Variants in ATP10B observed in about 807,000 individuals in gnomAD.
The protein encoded by ATP10B is ATPase phospholipid transporting 10B (putative).
Under a neutral mutation model 141.2 loss-of-function variants are expected in ATP10B, and 122 were observed. The ratio of observed to expected loss-of-function variants is 0.86; its 90% CI spans 0.75 to 1.00. ATP10B has a LOEUF of 1.00. Among genes scored for constraint, ATP10B ranks in the 50% least tolerant of loss-of-function variants. The probability of loss-of-function intolerance (pLI) is 0.00; values close to 1 mark genes in which losing one functional copy is unlikely to be tolerated. For missense variants in ATP10B, 1,876 were observed against 1,825.3 expected, an observed-to-expected ratio of 1.03 and a Z score of -0.51; for synonymous variants, 685 against 692.0, an observed-to-expected ratio of 0.99 and a Z score of 0.16.
chr5:160,575,940 T>C (rs1031334126), intron 24 of ATP10B, among the ~76,000 whole-genome samples: 1 of 152,222 alleles, frequency 6.6e-6, no homozygotes, highest in Non-Finnish European at 1.5e-5. Flanking sequence ...CTTTCCTCTC[T>C]GTTGGTCTCA....
At chr5:160,909,021 C>T in the ATP10B span, among the ~76,000 whole-genome samples, 5 of 152,028 alleles carry the variant, frequency 3.3e-5, no homozygotes, top group East Asian at 1.9e-4. Flanking sequence ...AGGTACGGTG[C>T]GAGGCTCTGG....
Position 160,792,118 on chromosome 5 carries a change from C to T in ATP10B, c.-575-6315G>A, listed in dbSNP as rs114091787. Among the ~76,000 whole-genome samples, 1,052 of 152,186 alleles carry T rather than the reference C, an allele frequency of 6.9e-3. 5 individuals are homozygous for T. The highest frequency in any genetic ancestry group is 0.011 in the Non-Finnish European group (754 of 67,994). On this transcript the variant is annotated intron_variant, in intron 1 of 25. Coordinates refer to ENST00000327245, the MANE Select transcript of ATP10B (RefSeq NM_025153.3). ...TTCTACTCAGAGGAAATAAATCCCC[C>T]CCTCCCTAAACTTTCATAAACTGGG...
chr5:160,767,353 T>A (rs1769527356), intron 2 of ATP10B, among the ~76,000 whole-genome samples: 1 of 152,166 alleles, frequency 6.6e-6, no homozygotes, highest in Admixed American at 6.5e-5. Context: ...TCAGGCACTA[T>A]GCTTAATGAT....
At chr5:160,613,525 G>A (rs540610630) in intron 17 of ATP10B, among the ~76,000 whole-genome samples, 3 of 152,332 alleles carry the variant, frequency 2.0e-5, no homozygotes, top group South Asian at 2.1e-4. Flanking sequence ...CTAGAGAATA[G>A]GTTTGAGATT....
At chr5:160,849,165 G>A (rs968168530) in intron 1 of ATP10B, among the ~76,000 whole-genome samples, 3 of 152,118 alleles carry the variant, frequency 2.0e-5, no homozygotes, top group Admixed American at 1.3e-4. Context: ...GAGAACATAC[G>A]GTAGCATGTG....
At chr5:160,698,578 C>T (rs1764505572) in intron 3 of ATP10B, among the ~76,000 whole-genome samples, 3 of 152,086 alleles carry the variant, frequency 2.0e-5, no homozygotes, top group Admixed American at 1.3e-4. Context: ...CATTTGGACA[C>T]ATTGGTATTG....
At chr5:160,887,634 T>TCC in the ATP10B span, among the ~76,000 whole-genome samples, 2 of 152,116 alleles carry the variant, frequency 1.3e-5, no homozygotes, top group East Asian at 1.9e-4. Context: ...TTGCTGTGTC[T>TCC]CCCCTCACTC....
At chr5:160,648,816 C>T (rs1030668263) in intron 8 of ATP10B, among the ~76,000 whole-genome samples, 1 of 152,002 alleles carries the variant, frequency 6.6e-6, no homozygotes, top group African/African-American at 2.4e-5. Context: ...TCCAAAGTCC[C>T]TGTTCTTACC....
chr5:160,663,010 T>C (rs1004708686), intron 7 of ATP10B, among the ~76,000 whole-genome samples: 5 of 152,208 alleles, frequency 3.3e-5, no homozygotes, highest in Non-Finnish European at 7.3e-5. Context: ...AAAGAAGACA[T>C]TGATGCAGCC....
the ATP10B span, among the ~76,000 whole-genome samples, chr5:160,860,100 G>T: frequency 2.6e-5 from 4 of 151,836 alleles, no homozygotes; most frequent in African/African-American, 9.7e-5. Flanking sequence ...TGGGGCAATA[G>T]TATGTTTTCC....
intron 1 of ATP10B, among the ~76,000 whole-genome samples, chr5:160,801,692 A>G (rs1057238804): frequency 5.3e-5 from 8 of 152,202 alleles, no homozygotes; most frequent in African/African-American, 1.9e-4. Flanking sequence ...TCTAACTCAA[A>G]TCAATGCCTA....
At chr5:160,769,444 T>A (rs755461595) in intron 2 of ATP10B, among the ~76,000 whole-genome samples, 17 of 152,196 alleles carry the variant, frequency 1.1e-4, no homozygotes, top group Non-Finnish European at 2.2e-4. Flanking sequence ...GCAATCTCCA[T>A]CTGCACTGGT....
chr5:160,828,231 G>A (rs1774782885), intron 1 of ATP10B, among the ~76,000 whole-genome samples: 1 of 152,238 alleles, frequency 6.6e-6, no homozygotes, highest in African/African-American at 2.4e-5. Context: ...AAACTAAAGA[G>A]CTTCTGCACA....
chr5:160,829,619 C>T (rs930326024), intron 1 of ATP10B, among the ~76,000 whole-genome samples: 18 of 152,006 alleles, frequency 1.2e-4, no homozygotes, highest in Admixed American at 7.2e-4. Context: ...TCATTTATGT[C>T]ATCTCTGATT....
chr5:160,696,958 A>G (rs1405578400), intron 3 of ATP10B, among the ~76,000 whole-genome samples: 2 of 152,240 alleles, frequency 1.3e-5, no homozygotes, highest in Non-Finnish European at 2.9e-5. Flanking sequence ...AAACCCATTT[A>G]CAGAGGAAGA....
chr5:160,910,808 T>C, the ATP10B span, among the ~76,000 whole-genome samples: 2 of 152,204 alleles, frequency 1.3e-5, no homozygotes, highest in African/African-American at 4.8e-5. Flanking sequence ...TCATGAATAA[T>C]ACCTGCTATT....
chr5:160,848,676 A>G (rs1365120530), intron 1 of ATP10B, among the ~76,000 whole-genome samples: 15 of 152,202 alleles, frequency 9.9e-5, no homozygotes, highest in Admixed American at 9.8e-4. Context: ...ACCTAAAGAC[A>G]TCAAAATTGC....
At chr5:160,644,093 A>G (rs768788004) in intron 9 of ATP10B, 45 bp downstream of exon 9, 13 of 1,496,882 alleles carry the variant, frequency 8.7e-6, no homozygotes, top group East Asian at 4.5e-5. Context: ...TGGAGGGGGA[A>G]GGATAAAGGA....
intron 6 of ATP10B, among the ~76,000 whole-genome samples, chr5:160,672,820 A>G (rs1242728362): frequency 6.6e-6 from 1 of 152,218 alleles, no homozygotes; most frequent in Non-Finnish European, 1.5e-5. Flanking sequence ...TTGACATCAC[A>G]AAAGTCCCTG....
Sources: allele counts gnomAD v4.1 joint callset (sites outside exome capture counted in the v4.1 genomes callset), GRCh38; gene constraint gnomAD v4.1.1; transcripts MANE v1.5; gene names NCBI Gene and HGNC (gene_info 2026-07-23, HGNC 2026-07-21).